FANCC: variants seen among roughly 807,000 people sequenced by gnomAD.
The protein encoded by FANCC is FA complementation group C, also known as Fanconi anemia group C protein.
In FANCC, 55 loss-of-function variants were observed where a neutral mutation model predicts 71.3. That is an observed-to-expected ratio of 0.77 (90% CI 0.62 to 0.97). The LOEUF (loss-of-function observed/expected upper bound fraction) is 0.97, where lower values mean the gene tolerates loss of function less well. FANCC is among the 50% of genes least tolerant of loss of function. FANCC has a pLI of 0.00. For missense variants in FANCC, 678 were observed against 670.9 expected, an observed-to-expected ratio of 1.01 and a Z score of -0.12; for synonymous variants, 275 against 244.9, an observed-to-expected ratio of 1.12 and a Z score of -1.15.
chr9:95,300,089 TC>T (rs1420134023), intron 1 of FANCC, among the ~76,000 whole-genome samples: 1 of 152,224 alleles, frequency 6.6e-6, no homozygotes, highest in Non-Finnish European at 1.5e-5. Flanking sequence ...TTCTATGGTC[TC>T]CCAAATATAG....
At chr9:95,110,344 A>AAGAC (rs1422370601) in intron 13 of FANCC, 1 of 1,018,868 alleles carries the variant, frequency 9.8e-7, no homozygotes, top group East Asian at 6.6e-5. Flanking sequence ...AGAATCAAAT[A>AAGAC]AGACAGAATA....
intron 6 of FANCC, among the ~76,000 whole-genome samples, chr9:95,156,348 T>C (rs560003000): frequency 6.6e-6 from 1 of 152,342 alleles, no homozygotes; most frequent in Non-Finnish European, 1.5e-5. Flanking sequence ...ATGAGATGCC[T>C]GTGCTAGCAG....
intron 3 of FANCC, among the ~76,000 whole-genome samples, 197 bp downstream of exon 3, chr9:95,247,235 G>GTA (rs1272984558): frequency 6.6e-6 from 1 of 151,052 alleles, no homozygotes; most frequent in African/African-American, 2.4e-5. Flanking sequence ...GTGTGTGTGT[G>GTA]TTTATCTATA....
intron 7 of FANCC, among the ~76,000 whole-genome samples, chr9:95,145,727 CCTGA>C (rs776402043): frequency 3.3e-5 from 5 of 152,084 alleles, no homozygotes; most frequent in African/African-American, 9.7e-5. Flanking sequence ...ACAAAACAGG[CCTGA>C]CTATGTGAGA....
chr9:95,224,410 C>T (rs1199488234), intron 4 of FANCC, among the ~76,000 whole-genome samples: 3 of 152,114 alleles, frequency 2.0e-5, no homozygotes, highest in Non-Finnish European at 4.4e-5. Flanking sequence ...ACAATATCTA[C>T]CTTCATGGAG....
At chr9:95,109,600 A>T (rs1270115870) in intron 13 of FANCC, 1 of 152,190 alleles carries the variant, frequency 6.6e-6, no homozygotes, top group Non-Finnish European at 1.5e-5. Context: ...CTTGCCCATG[A>T]GTGGGACAGG....
chr9:95,108,317 C>T (rs977215438), intron 13 of FANCC, among the ~76,000 whole-genome samples: 1 of 152,332 alleles, frequency 6.6e-6, no homozygotes, highest in Non-Finnish European at 1.5e-5. Context: ...CTCCCCACCT[C>T]GCCCCTCAGC....
At chr9:95,277,144 G>A (rs1016666580) in intron 1 of FANCC, among the ~76,000 whole-genome samples, 2 of 152,156 alleles carry the variant, frequency 1.3e-5, no homozygotes, top group African/African-American at 2.4e-5. Context: ...TGATTCTGAT[G>A]ATTCAGACAA....
chr9:95,147,325 C>A (rs573221582), intron 7 of FANCC, among the ~76,000 whole-genome samples: 4 of 152,262 alleles, frequency 2.6e-5, no homozygotes, highest in African/African-American at 9.6e-5. Context: ...CGAGACCAGC[C>A]TGACCAACAT....
chr9:95,150,113 C>A, intron 6 of FANCC, 26 bp from the exon 7 acceptor site: 1 of 1,613,382 alleles, frequency 6.2e-7, no homozygotes, highest in Non-Finnish European at 8.5e-7. Flanking sequence ...GAAATAATCA[C>A]TCAAATCTAA....
rs1564720334 is a variant in FANCC, at chr9:95,172,054, G to T, written c.439C>A (p.Pro147Thr). ...GLGYAPIDYY[P>T]GLLKNMVLSL... ...ATACTCACATTTTTAAGCAAACCAGGATAGTAATCTATAGGTGCATACCCA... is the reference window on the plus strand; with the variant it reads ...ATACTCACATTTTTAAGCAAACCAGTATAGTAATCTATAGGTGCATACCCA... The change falls in exon 5 of 15, where the codon CCT (proline) becomes ACT (threonine). Residue 147 changes from proline to threonine, a missense_variant. Physicochemically the swap from Pro to Thr is conservative, Grantham distance 38. Transcript: ENST00000289081. 1 of 1,606,492 alleles carries T rather than the reference G, an allele frequency of 6.2e-7. No homozygotes were observed. Among genetic ancestry groups the T allele is most frequent in the Non-Finnish European group, 8.5e-7 (1 of 1,173,304 alleles).
chr9:95,180,878 T>C (rs1340805596), intron 4 of FANCC, among the ~76,000 whole-genome samples: 3 of 152,136 alleles, frequency 2.0e-5, no homozygotes, highest in Admixed American at 1.3e-4. Context: ...CCCTAGGTCA[T>C]AGACACTTTT....
chr9:95,251,325 A>AT (rs575852832), intron 1 of FANCC, among the ~76,000 whole-genome samples: 2 of 151,042 alleles, frequency 1.3e-5, no homozygotes, highest in East Asian at 1.9e-4. Context: ...TATGTTATGT[A>AT]TTTTTTTTTA....
intron 1 of FANCC, among the ~76,000 whole-genome samples, chr9:95,252,517 C>T (rs148367266): frequency 5.9e-5 from 9 of 151,436 alleles, no homozygotes; most frequent in African/African-American, 1.7e-4. Flanking sequence ...GAGGCAGAGA[C>T]GGGCGGATCA....
chr9:95,195,086 T>G (rs1564742001), intron 4 of FANCC, among the ~76,000 whole-genome samples: 1 of 150,258 alleles, frequency 6.7e-6, no homozygotes, highest in Non-Finnish European at 1.5e-5. Flanking sequence ...CAGTCCCAGC[T>G]ACTTGGGAGG....
At chr9:95,117,601 C>CTT in intron 10 of FANCC, among the ~76,000 whole-genome samples, 1 of 16,498 alleles carries the variant, frequency 6.1e-5, no homozygotes, top group African/African-American at 2.4e-4. Context: ...CCTTCTGGGA[C>CTT]TTAAAAATTT....
chr9:95,197,362 C>T (rs973391797), intron 4 of FANCC, among the ~76,000 whole-genome samples: 5 of 152,058 alleles, frequency 3.3e-5, no homozygotes, highest in African/African-American at 1.2e-4. Flanking sequence ...CAAAGGGAGA[C>T]CCTGTCTTTA....
chr9:95,208,906 T>G (rs995151057), intron 4 of FANCC, among the ~76,000 whole-genome samples: 1 of 152,136 alleles, frequency 6.6e-6, no homozygotes, highest in Non-Finnish European at 1.5e-5. Flanking sequence ...CCAAAAGAGT[T>G]GAAAACTTGT....
intron 4 of FANCC, among the ~76,000 whole-genome samples, chr9:95,219,058 C>T (rs991666161): frequency 2.6e-5 from 4 of 152,138 alleles, no homozygotes; most frequent in African/African-American, 7.2e-5. Flanking sequence ...AGTATGTCTG[C>T]GGGCTGCCCA....
Sources: allele counts gnomAD v4.1 joint callset (sites outside exome capture counted in the v4.1 genomes callset), GRCh38; gene constraint gnomAD v4.1.1; transcripts MANE v1.5; gene names NCBI Gene and HGNC (gene_info 2026-07-23, HGNC 2026-07-21).